Variants in KPNA4 observed in about 807,000 individuals in gnomAD.
KPNA4 encodes importin subunit alpha-3.
A neutral mutation model predicts 71.3 loss-of-function variants in KPNA4; 13 were observed. That is an observed-to-expected ratio of 0.18 (90% confidence interval 0.12 to 0.29). The LOEUF (loss-of-function observed/expected upper bound fraction) is 0.29, where lower values mean the gene tolerates loss of function less well. Among genes scored for constraint, KPNA4 ranks in the 10% least tolerant of loss-of-function variants. The pLI is 1.00. For synonymous variants in KPNA4, 189 were observed against 195.2 expected (o/e 0.97, Z 0.26); for missense variants, 334 against 603.2 (o/e 0.55, Z 4.67).
intron 1 of KPNA4, among the ~76,000 whole-genome samples, chr3:160,544,845 A>C (rs912652419): frequency 1.3e-5 from 2 of 150,870 alleles, no homozygotes; most frequent in Non-Finnish European, 2.9e-5. Flanking sequence ...ATGTGTAAGC[A>C]AGAGAGATTG....
chr3:160,532,776 A>C (rs1464822035), intron 5 of KPNA4, among the ~76,000 whole-genome samples: 1 of 152,204 alleles, frequency 6.6e-6, no homozygotes, highest in Admixed American at 6.5e-5. Flanking sequence ...ACCTAGCTTT[A>C]AACTACTTCA....
intron 1 of KPNA4, among the ~76,000 whole-genome samples, chr3:160,548,022 A>G (rs896153899): frequency 3.9e-5 from 6 of 152,302 alleles, no homozygotes; most frequent in Admixed American, 2.6e-4. Context: ...CTGTGTGGAC[A>G]TAAGTTTTGA....
Position 160,511,067 on chromosome 3 carries a change from C to T in KPNA4, c.1138-1196G>A, listed in dbSNP as rs527691352. Among the ~76,000 whole-genome samples the T allele has an allele frequency of 8.1e-5, 12 of 147,446 alleles. No individual in the cohort carries two copies. The East Asian group carries it at 2.3e-3, about 28-fold the overall frequency. ...CAGCCTCCCAAGTGCTGGGATTACA[C>T]GTGTGAGCCACTGTGCCCAGCCACA... On this transcript the variant is annotated intron_variant, in intron 13 of 16. Coordinates refer to ENST00000334256, the MANE Select transcript of KPNA4 (RefSeq NM_002268.5).
At chr3:160,547,934 A>G (rs919635503) in intron 1 of KPNA4, among the ~76,000 whole-genome samples, 1 of 152,204 alleles carries the variant, frequency 6.6e-6, no homozygotes, top group Non-Finnish European at 1.5e-5. Flanking sequence ...TTGTCTGGAT[A>G]TATCACAATT....
At chr3:160,560,109 T>C (rs1049344659) in intron 1 of KPNA4, among the ~76,000 whole-genome samples, 7 of 152,156 alleles carry the variant, frequency 4.6e-5, no homozygotes, top group East Asian at 3.8e-4. Context: ...CCGTGGACTA[T>C]GCTCAGTGCT....
At chr3:160,530,779 CT>C in intron 7 of KPNA4, 75 bp downstream of exon 7, 4 of 983,840 alleles carry the variant, frequency 4.1e-6, no homozygotes, top group Non-Finnish European at 6.3e-6. Context: ...TTGCCATAGT[CT>C]TTTGGGAAGA....
chr3:160,530,965 A>C (rs1326915904), intron 6 of KPNA4, 25 bp from the exon 7 acceptor site: 6 of 1,537,394 alleles, frequency 3.9e-6, no homozygotes, highest in Non-Finnish European at 5.4e-6. Context: ...AAGTATTTTT[A>C]AACAGCAGGG....
At chr3:160,515,331 G>T in intron 12 of KPNA4, 121 bp downstream of exon 12, 2 of 962,076 alleles carry the variant, frequency 2.1e-6, no homozygotes, top group Non-Finnish European at 3.1e-6. Flanking sequence ...TTCTCTTGAT[G>T]TCTAAATGAC....
At chr3:160,564,921 C>A (rs1722311467) in intron 1 of KPNA4, among the ~76,000 whole-genome samples, 2 of 146,724 alleles carry the variant, frequency 1.4e-5, no homozygotes, top group Admixed American at 1.4e-4. Context: ...CGCGCCGCGC[C>A]CGGCCTCCCC....
rs1720845749 is a variant in KPNA4 at position 160,500,068 on chromosome 3, G to A, written c.*2036C>T. On this transcript the variant is annotated 3_prime_UTR_variant, in exon 17 of 17. Transcript: ENST00000334256. ...ACCAAAGAAATTTCTTATTATGCTG[G>A]TTCTAGGTAAAAAGACAGGAAGCTA... 6.6e-6 allele frequency: 1 copy of A among 151,228 alleles called. No individual in the cohort carries two copies. Among genetic ancestry groups the A allele is most frequent in the African/African-American group, 2.4e-5 (1 of 41,162 alleles). The allele number at this position is 151,228 out of a possible 1,614,324, so 9.4% of individuals were successfully genotyped here.
At chr3:160,551,626 C>T (rs928526419) in intron 1 of KPNA4, among the ~76,000 whole-genome samples, 5 of 147,388 alleles carry the variant, frequency 3.4e-5, no homozygotes, top group African/African-American at 1.2e-4. Flanking sequence ...GGGGAGTTAT[C>T]AACTAAAAAG....
intron 1 of KPNA4, among the ~76,000 whole-genome samples, chr3:160,552,627 G>C (rs1285872121): frequency 6.6e-6 from 1 of 152,130 alleles, no homozygotes; most frequent in Non-Finnish European, 1.5e-5. Context: ...GGTTTAACTT[G>C]CAATTAACTT....
At position 160,498,785 on chromosome 3, in the gene KPNA4, A is replaced by G. The variant is rs978794505; in HGVS notation, c.*3319T>C. The G allele has an allele frequency of 3.9e-5, 6 of 152,186 alleles. No individual in the cohort carries two copies. Among genetic ancestry groups the G allele is most frequent in the African/African-American group, 1.4e-4 (6 of 41,426 alleles). 9.4% of individuals were successfully genotyped at this position (152,186 alleles called of 1,614,324 possible). A position where few individuals can be genotyped will look rare whatever the true frequency, so the allele number is the denominator to read the frequency against. ...GACACCTTTATTGCAGCCTTGTGAG[A>G]CCCTGAGCAGAAAACCTAACTACAC... is the stretch of plus-strand genomic sequence containing the variant. On this transcript the variant is annotated 3_prime_UTR_variant, in exon 17 of 17. Transcript: ENST00000334256.
At chr3:160,550,537 G>T (rs1390258660) in intron 1 of KPNA4, among the ~76,000 whole-genome samples, 1 of 152,074 alleles carries the variant, frequency 6.6e-6, no homozygotes, top group Non-Finnish European at 1.5e-5. Flanking sequence ...CAAAGCACTG[G>T]ACTTATATGC....
intron 5 of KPNA4, among the ~76,000 whole-genome samples, chr3:160,535,239 T>C (rs1011534523): frequency 1.3e-5 from 2 of 152,262 alleles, no homozygotes; most frequent in Non-Finnish European, 2.9e-5. Context: ...ATTAATTTGT[T>C]AAATCAACTT....
At position 160,498,905 on chromosome 3, in the gene KPNA4, A is replaced by G. The variant is rs1265573890; in HGVS notation, c.*3199T>C. 5.9e-5 allele frequency: 9 copies of G among 152,236 alleles called. No individual in the cohort carries two copies. Among genetic ancestry groups the G allele is most frequent in the Admixed American group, 5.9e-4 (9 of 15,280 alleles). 9.4% of individuals were successfully genotyped at this position (152,236 alleles called of 1,614,324 possible). A position where few individuals can be genotyped will look rare whatever the true frequency, so the allele number is the denominator to read the frequency against. The stretch of plus-strand genomic sequence containing the variant: ...CAAAATTACACAGCAGTTATTCTCT[A>G]AATTCAAAATTTAGCTTAATCTCTG... On this transcript the variant is annotated 3_prime_UTR_variant, in exon 17 of 17. Coordinates refer to ENST00000334256, the MANE Select transcript of KPNA4 (RefSeq NM_002268.5).
chr3:160,565,471 C>G lies in KPNA4; in HGVS notation c.-189G>C, dbSNP rs1292954149. The G allele has an allele frequency of 6.7e-6, 3 of 450,868 alleles. No individual in the cohort carries two copies. In the Admixed American group the frequency reaches 1.1e-4, roughly 17 times the overall value. The allele number at this position is 450,868 out of a possible 1,614,324, so 27.9% of individuals were successfully genotyped here. ...CTCCCCGCCCGCCCCCCCGCCCTAA[C>G]CCCAGCGCGACTGCAGCTCCGGCAA... On this transcript the variant is annotated 5_prime_UTR_variant, in exon 1 of 17. Transcript: ENST00000334256.
At chr3:160,521,715 G>T in intron 11 of KPNA4, 64 bp downstream of exon 11, 1 of 1,440,014 alleles carries the variant, frequency 6.9e-7, no homozygotes, top group South Asian at 1.2e-5. Flanking sequence ...GTCCATCTTT[G>T]AATGCCATGC....
chr3:160,528,098 T>C, intron 7 of KPNA4, 59 bp from the exon 8 acceptor site: 1 of 1,335,566 alleles, frequency 7.5e-7, no homozygotes, highest in Non-Finnish European at 1.1e-6. Context: ...CAAAAATCAA[T>C]CTTTATTTTT....
Sources: gnomAD v4.1 joint callset for allele counts (sites outside exome capture counted in the v4.1 genomes callset) on GRCh38, gnomAD v4.1.1 for gene constraint, MANE v1.5 for transcripts, NCBI Gene and HGNC (gene_info 2026-07-23, HGNC 2026-07-21) for gene names.